Variants in NRXN1 observed in about 807,000 individuals in gnomAD.
The protein encoded by NRXN1 is neurexin-1.
Under a neutral mutation model 150.9 loss-of-function variants are expected in NRXN1, and 39 were observed. The ratio of observed to expected loss-of-function variants is 0.26; its 90% confidence interval spans 0.20 to 0.34. The LOEUF (loss-of-function observed/expected upper bound fraction) is 0.34. NRXN1 is among the 10% of genes least tolerant of loss of function. The pLI, the probability that NRXN1 is intolerant of heterozygous loss-of-function variation, is 1.00. For missense variants in NRXN1, 1,815 were observed against 1,949.9 expected, an observed-to-expected ratio of 0.93 and a Z score of 1.30; for synonymous variants, 924 against 757.0, an observed-to-expected ratio of 1.22 and a Z score of -3.62.
chr2:50,425,390 C>A (rs969336864), intron 17 of NRXN1, among the ~76,000 whole-genome samples: 2 of 152,148 alleles, frequency 1.3e-5, no homozygotes, highest in African/African-American at 4.8e-5. Flanking sequence ...ACATCCATTA[C>A]AACCAGCAAG....
chr2:49,973,626 C>G (rs888285677), intron 21 of NRXN1: 6 of 303,830 alleles, frequency 2.0e-5, no homozygotes, highest in African/African-American at 8.8e-5. Context: ...CACACACACA[C>G]ACACACACAC....
intron 5 of NRXN1, among the ~76,000 whole-genome samples, chr2:50,746,906 A>G (rs1017927735): frequency 2.6e-5 from 4 of 152,070 alleles, no homozygotes; most frequent in African/African-American, 9.7e-5. Context: ...GTTGGAAGCA[A>G]ATTTTTTTTT....
chr2:50,562,158 C>T (rs887583254), intron 8 of NRXN1, among the ~76,000 whole-genome samples: 4 of 152,088 alleles, frequency 2.6e-5, no homozygotes, highest in Non-Finnish European at 5.9e-5. Context: ...CTAGATTAAT[C>T]AATGCATCTT....
At chr2:50,503,821 G>GA (rs1011070868) in intron 13 of NRXN1, among the ~76,000 whole-genome samples, 5 of 152,100 alleles carry the variant, frequency 3.3e-5, no homozygotes, top group African/African-American at 1.2e-4. Context: ...TTGAAAGGGA[G>GA]AAAACGTAGT....
At chr2:50,518,367 CA>C (rs2092687309) in intron 12 of NRXN1, among the ~76,000 whole-genome samples, 1 of 151,834 alleles carries the variant, frequency 6.6e-6, no homozygotes, top group African/African-American at 2.4e-5. Context: ...TATCACATAA[CA>C]GGACAGCTAG....
chr2:50,146,958 T>C (rs1708093346), intron 18 of NRXN1, among the ~76,000 whole-genome samples: 1 of 151,768 alleles, frequency 6.6e-6, no homozygotes, highest in African/African-American at 2.4e-5. Context: ...CTTCATGTTG[T>C]AAAATTTTCA....
At chr2:50,983,844 T>C (rs1311196336) in intron 2 of NRXN1, among the ~76,000 whole-genome samples, 10 of 152,120 alleles carry the variant, frequency 6.6e-5, no homozygotes, top group Non-Finnish European at 1.5e-5. Flanking sequence ...TTAAAGGCAA[T>C]GAATATAACT....
intron 18 of NRXN1, among the ~76,000 whole-genome samples, chr2:50,108,391 T>C (rs566046882): frequency 6.6e-6 from 1 of 151,974 alleles, no homozygotes; most frequent in Non-Finnish European, 1.5e-5. Flanking sequence ...AACTCTGAGG[T>C]AACCATTATT....
chr2:50,245,810 G>A (rs2066443043), intron 17 of NRXN1, among the ~76,000 whole-genome samples: 1 of 151,518 alleles, frequency 6.6e-6, no homozygotes, highest in South Asian at 2.1e-4. Context: ...GGAGAAAAGT[G>A]AGTAAATTTT....
chr2:50,128,384 A>T (rs1413121621), intron 18 of NRXN1, among the ~76,000 whole-genome samples: 4 of 152,248 alleles, frequency 2.6e-5, no homozygotes, highest in African/African-American at 9.6e-5. Flanking sequence ...ATCCATCCTT[A>T]TGCATTTTAA....
At chr2:50,938,337 C>A (rs981399496) in intron 2 of NRXN1, among the ~76,000 whole-genome samples, 4 of 152,146 alleles carry the variant, frequency 2.6e-5, no homozygotes, top group African/African-American at 7.2e-5. Flanking sequence ...GAACCATCAT[C>A]ATATATGGAG....
intron 1 of NRXN1, among the ~76,000 whole-genome samples, chr2:51,030,715 G>C (rs1427500617): frequency 6.6e-6 from 1 of 152,162 alleles, no homozygotes; most frequent in East Asian, 1.9e-4. Context: ...CCCGAGGAAA[G>C]AGGCTCGTCA....
chr2:50,718,169 T>C (rs563579736), intron 5 of NRXN1, among the ~76,000 whole-genome samples: 2 of 152,308 alleles, frequency 1.3e-5, no homozygotes, highest in African/African-American at 2.4e-5. Flanking sequence ...TTTTGAGCCA[T>C]GGTTTCAGAT....
At chr2:50,938,477 T>C (rs1688879855) in intron 2 of NRXN1, among the ~76,000 whole-genome samples, 1 of 152,200 alleles carries the variant, frequency 6.6e-6, no homozygotes, top group Non-Finnish European at 1.5e-5. Flanking sequence ...CCTGTCTTCT[T>C]CTGAGCCCTC....
intron 2 of NRXN1, among the ~76,000 whole-genome samples, chr2:50,946,630 T>C (rs1432191505): frequency 2.0e-5 from 3 of 152,212 alleles, no homozygotes; most frequent in Non-Finnish European, 4.4e-5. Flanking sequence ...GTCATTATAA[T>C]GGAACTTTTA....
At chr2:50,350,024 C>G (rs1007111850) in intron 17 of NRXN1, among the ~76,000 whole-genome samples, 1 of 152,174 alleles carries the variant, frequency 6.6e-6, no homozygotes, top group African/African-American at 2.4e-5. Flanking sequence ...TTCACAGTAG[C>G]TGTGGCAAAT....
At chr2:50,207,051 A>G (rs2062650147) in intron 18 of NRXN1, among the ~76,000 whole-genome samples, 1 of 152,116 alleles carries the variant, frequency 6.6e-6, no homozygotes, top group Non-Finnish European at 1.5e-5. Context: ...TCAAGAAAAA[A>G]TACATAGAAG....
intron 17 of NRXN1, among the ~76,000 whole-genome samples, chr2:50,450,298 G>T (rs921976369): frequency 6.6e-6 from 1 of 152,034 alleles, no homozygotes; most frequent in South Asian, 2.1e-4. Context: ...CACGGCAATG[G>T]TTTGCAGCAC....
At chr2:50,507,685 G>C (rs1377023620) in intron 12 of NRXN1, among the ~76,000 whole-genome samples, 1 of 136,108 alleles carries the variant, frequency 7.3e-6, no homozygotes, top group East Asian at 2.1e-4. Flanking sequence ...AACATAACCA[G>C]ATATTTTTAT....
Sources: gnomAD v4.1 joint callset for allele counts (sites outside exome capture counted in the v4.1 genomes callset) on GRCh38, gnomAD v4.1.1 for gene constraint, MANE v1.5 for transcripts, NCBI Gene and HGNC (gene_info 2026-07-23, HGNC 2026-07-21) for gene names.